The following KAZN variants were observed in gnomAD, a reference collection of about 807,000 sequenced individuals.
The protein encoded by KAZN is kazrin, periplakin interacting protein.
KAZN carries 40 observed loss-of-function variants against 87.4 expected under a neutral mutation model. The ratio of observed to expected loss-of-function variants is 0.46; its 90% CI spans 0.36 to 0.60. The LOEUF is 0.60. Among genes scored for constraint, KAZN ranks in the 20% least tolerant of loss-of-function variants. The pLI, the probability that KAZN is intolerant of heterozygous loss-of-function variation, is 0.00. For missense variants in KAZN, 898 were observed against 1,073.9 expected, an observed-to-expected ratio of 0.84 and a Z score of 2.29; for synonymous variants, 466 against 458.3, an observed-to-expected ratio of 1.02 and a Z score of -0.22.
intron 2 of KAZN, among the ~76,000 whole-genome samples, chr1:14,522,883 C>G (rs1671660180): frequency 6.6e-6 from 1 of 152,194 alleles, no homozygotes. Flanking sequence ...TCCATGCCAA[C>G]AGGTAGGCAG....
chr1:15,103,953 G>A (rs1448873645), intron 12 of KAZN, 70 bp from the exon 13 acceptor site: 2 of 1,484,688 alleles, frequency 1.3e-6, no homozygotes, highest in Non-Finnish European at 1.8e-6. Flanking sequence ...AGCCCCACGT[G>A]GAACTGGGGC....
chr1:14,076,511 G>A (rs1329044443), intron 1 of KAZN, among the ~76,000 whole-genome samples: 3 of 152,126 alleles, frequency 2.0e-5, no homozygotes, highest in Non-Finnish European at 4.4e-5. Flanking sequence ...CCAGAACTGT[G>A]AGACAATAAA....
chr1:15,064,753 C>G lies in KAZN; in HGVS notation c.1099-877C>G, dbSNP rs554479558. ...GACTCCTCCACATTTTCCGGACTCT[C>G]CCAGGCCTCCTTGCCCATGTCACTG... On this transcript the variant is annotated intron_variant, in intron 7 of 14. Coordinates refer to ENST00000376030, the MANE Select transcript of KAZN (RefSeq NM_201628.3). 5.3e-5 allele frequency among the ~76,000 whole-genome samples: 8 copies of G among 152,338 alleles called. No homozygotes were observed. In the East Asian group the frequency reaches 1.4e-3, roughly 26 times the overall value.
intron 2 of KAZN, among the ~76,000 whole-genome samples, chr1:14,234,363 A>G (rs1648177400): frequency 6.8e-6 from 1 of 146,844 alleles, no homozygotes. Flanking sequence ...ATGAGAACAC[A>G]TGGACACAGG....
At chr1:14,637,501 A>G (rs1680081234) in intron 1 of KAZN, among the ~76,000 whole-genome samples, 1 of 152,144 alleles carries the variant, frequency 6.6e-6, no homozygotes, top group South Asian at 2.1e-4. Context: ...GGCTTGACTA[A>G]AGATCCTATC....
chr1:14,201,147 G>A (rs1330976184), intron 2 of KAZN, among the ~76,000 whole-genome samples: 1 of 152,108 alleles, frequency 6.6e-6, no homozygotes, highest in East Asian at 1.9e-4. Flanking sequence ...ACTGATAATG[G>A]TTCTCAGTTT....
intron 1 of KAZN, among the ~76,000 whole-genome samples, chr1:14,070,990 C>T (rs1643226728): frequency 6.6e-6 from 1 of 152,150 alleles, no homozygotes; most frequent in Non-Finnish European, 1.5e-5. Flanking sequence ...AGGATCCAAA[C>T]CTGAGTCTCC....
intron 2 of KAZN, among the ~76,000 whole-genome samples, chr1:14,366,651 G>A (rs558633088): frequency 2.6e-5 from 4 of 152,314 alleles, no homozygotes; most frequent in South Asian, 4.1e-4. Context: ...GGGAAGAAAC[G>A]CCGCACCAGC....
intron 1 of KAZN, among the ~76,000 whole-genome samples, chr1:14,804,743 C>T (rs1646150024): frequency 6.6e-6 from 1 of 151,900 alleles, no homozygotes; most frequent in Non-Finnish European, 1.5e-5. Context: ...GAGTCAACAC[C>T]ACAGAGACTC....
chr1:14,186,236 A>T (rs566321355), intron 2 of KAZN, among the ~76,000 whole-genome samples: 2 of 152,278 alleles, frequency 1.3e-5, no homozygotes, highest in South Asian at 2.1e-4. Flanking sequence ...AATAAAATGG[A>T]ATTTATGCTG....
At chr1:14,157,129 A>G (rs1047531823) in intron 1 of KAZN, among the ~76,000 whole-genome samples, 4 of 152,150 alleles carry the variant, frequency 2.6e-5, no homozygotes, top group Non-Finnish European at 1.5e-5. Context: ...TAAGAACTCT[A>G]TGCTTTAACT....
Position 15,099,593 on chromosome 1 carries a change from C to A in KAZN, c.1548-1950C>A, listed in dbSNP as rs569038624. On this transcript the variant is annotated intron_variant, in intron 10 of 14. Transcript: ENST00000376030. This position sits in a 1 kb window ranked among gnomAD's most constrained non-coding sequence, Gnocchi z 5.4. ...CCTCCAGGAAACGGCCCCCAGGACC[C>A]CAAGCCCCATGTGCGTTGGGGGAGG... Among the ~76,000 whole-genome samples the A allele has an allele frequency of 6.6e-6, 1 of 152,202 alleles. No homozygotes were observed. The highest frequency in any genetic ancestry group is 2.1e-4 in the South Asian group (1 of 4,820).
intron 1 of KAZN, among the ~76,000 whole-genome samples, chr1:14,157,683 G>A (rs147045899): frequency 6.6e-5 from 10 of 152,236 alleles, no homozygotes; most frequent in African/African-American, 2.4e-4. Flanking sequence ...ATTGGAGATT[G>A]ATTATTAAAT....
intron 2 of KAZN, among the ~76,000 whole-genome samples, chr1:14,426,681 G>T (rs1665748979): frequency 1.3e-5 from 2 of 152,108 alleles, no homozygotes; most frequent in African/African-American, 4.8e-5. Context: ...GCAGGGCCCG[G>T]GTAGTCATGA....
At chr1:14,466,727 G>A (rs1027749162) in intron 2 of KAZN, among the ~76,000 whole-genome samples, 6 of 151,362 alleles carry the variant, frequency 4.0e-5, no homozygotes, top group Admixed American at 6.6e-5. Flanking sequence ...CCAGCACTTC[G>A]GGAGGCCGAG....
rs150058208 is a variant in KAZN at position 14,085,385 on chromosome 1, G to A, written c.92-95050G>A. On this transcript the variant is annotated intron_variant, in intron 1 of 16. Transcript: ENST00000636203. ...CCACCAATGTGAAATAGAACATTCC[G>A]TTACCCCAGGAGCTTGCTTGTGTCC... Among the ~76,000 whole-genome samples the A allele has an allele frequency of 6.6e-3, 999 of 152,204 alleles. 10 individuals carry two copies. In the South Asian group the frequency reaches 0.066, roughly 10 times the overall value.
intron 1 of KAZN, among the ~76,000 whole-genome samples, chr1:14,909,121 T>C (rs1173605781): frequency 6.6e-6 from 1 of 152,208 alleles, no homozygotes; most frequent in East Asian, 1.9e-4. Flanking sequence ...TCCTCTTCCA[T>C]AAAAAGGACA....
At chr1:14,516,302 C>G (rs1041997463) in intron 2 of KAZN, among the ~76,000 whole-genome samples, 12 of 152,206 alleles carry the variant, frequency 7.9e-5, no homozygotes, top group African/African-American at 1.2e-4. Flanking sequence ...CTAACAGGCT[C>G]TCCCTCGTGG....
At chr1:14,202,952 G>A (rs1557557588) in intron 2 of KAZN, among the ~76,000 whole-genome samples, 1 of 152,068 alleles carries the variant, frequency 6.6e-6, no homozygotes, top group African/African-American at 2.4e-5. Context: ...GGGAGGCAGA[G>A]CTTGCCGTGA....
Sources: gnomAD v4.1 joint callset for allele counts (sites outside exome capture counted in the v4.1 genomes callset) on GRCh38, gnomAD v4.1.1 for gene constraint, Gnocchi (gnomAD v3.1) non-coding constraint, MANE v1.5 for transcripts, NCBI Gene and HGNC (gene_info 2026-07-23, HGNC 2026-07-21) for gene names.